The following RELCH variants were observed in gnomAD, a reference collection of about 807,000 sequenced individuals.
The protein encoded by RELCH is RAB11-binding protein RELCH.
Under a neutral mutation model 150.3 loss-of-function variants are expected in RELCH, and 41 were observed. The observed-to-expected ratio is 0.27, with a 90% confidence interval of 0.21 to 0.35. The LOEUF is 0.35. Ranked by LOEUF, RELCH falls within the 10% of genes least tolerant of loss-of-function variation. The pLI, the probability that RELCH is intolerant of heterozygous loss-of-function variation, is 1.00. For synonymous variants in RELCH, 478 were observed against 531.8 expected, an observed-to-expected ratio of 0.90 and a Z score of 1.39; for missense variants, 1,092 against 1,467.8, an observed-to-expected ratio of 0.74 and a Z score of 4.18.
intron 1 of RELCH, among the ~76,000 whole-genome samples, chr18:62,189,854 T>C (rs2038491090): frequency 6.6e-6 from 1 of 152,272 alleles, no homozygotes; most frequent in Non-Finnish European, 1.5e-5. Context: ...TAGAGTCTTA[T>C]GATCAAATAT....
rs1479927344 is a variant in RELCH at position 62,261,582 on chromosome 18, T to C, written c.2274T>C (p.Ser758=). 6.2e-7 allele frequency: 1 copy of C among 1,612,088 alleles called. No homozygotes were observed. Among genetic ancestry groups the C allele is most frequent in the Admixed American group, 1.7e-5 (1 of 59,796 alleles). The part of the protein sequence containing the change: ...YLSALQSLIP[S]LFALVLQNAP... ...CTGCCTTGCAGTCCTTGATCCCATC[T>C]CTCTTTGCATTAGTGCTACAGAATG... The change falls in exon 16 of 29, where the codon TCT becomes TCC. Residue 758 remains serine, a synonymous_variant. Coordinates refer to ENST00000644646, the MANE Select transcript of RELCH (RefSeq NM_001346231.2).
intron 24 of RELCH, 36 bp from the exon 25 acceptor site, chr18:62,282,270 A>G (rs765465428): frequency 5.4e-5 from 86 of 1,587,456 alleles, no homozygotes; most frequent in Non-Finnish European, 1.7e-6. Flanking sequence ...AGTTTTCAAT[A>G]TTCTATGAAA....
intron 11 of RELCH, among the ~76,000 whole-genome samples, chr18:62,248,596 C>G (rs2148517493): frequency 6.6e-6 from 1 of 152,210 alleles, no homozygotes; most frequent in East Asian, 1.9e-4. Context: ...TTGATTTCTC[C>G]TAAACATTCC....
intron 11 of RELCH, among the ~76,000 whole-genome samples, chr18:62,248,988 A>C (rs995299668): frequency 6.6e-6 from 1 of 152,218 alleles, no homozygotes; most frequent in African/African-American, 2.4e-5. Flanking sequence ...AGCATCCTGG[A>C]TGGGTGGATA....
intron 28 of RELCH, chr18:62,300,019 C>G (rs2045594520): frequency 6.6e-6 from 1 of 152,156 alleles, no homozygotes; most frequent in Non-Finnish European, 1.5e-5. Context: ...GAGTCAGGGT[C>G]CAAATGAGTT....
At chr18:62,239,421 C>T (rs760168601) in intron 10 of RELCH, among the ~76,000 whole-genome samples, 1 of 150,910 alleles carries the variant, frequency 6.6e-6, no homozygotes, top group Non-Finnish European at 1.5e-5. Flanking sequence ...AAAGTTTCAA[C>T]TGAAAAGTTA....
intron 28 of RELCH, among the ~76,000 whole-genome samples, chr18:62,303,943 A>G (rs1464511340): frequency 6.6e-6 from 1 of 152,228 alleles, no homozygotes. Flanking sequence ...AGTATTAGCC[A>G]TGGAAGTAAA....
chr18:62,295,481 G>T (rs1311993563), intron 27 of RELCH, among the ~76,000 whole-genome samples: 1 of 149,580 alleles, frequency 6.7e-6, no homozygotes, highest in East Asian at 1.9e-4. Flanking sequence ...CTTTTATTTT[G>T]TTTAGGTTTG....
At chr18:62,192,048 C>T (rs772285067) in intron 1 of RELCH, among the ~76,000 whole-genome samples, 1 of 152,202 alleles carries the variant, frequency 6.6e-6, no homozygotes, top group African/African-American at 2.4e-5. Flanking sequence ...TGCAACCTCT[C>T]CAGCATCTGT....
chr18:62,229,373 A>G (rs750964901), intron 8 of RELCH, among the ~76,000 whole-genome samples: 29 of 152,102 alleles, frequency 1.9e-4, no homozygotes, highest in Non-Finnish European at 2.8e-4. Context: ...ATAGAAAAGC[A>G]CAACTAATTT....
At chr18:62,261,697 TAGC>T (rs774402374) in intron 16 of RELCH, 39 bp downstream of exon 16, 1 of 1,554,974 alleles carries the variant, frequency 6.4e-7, no homozygotes, top group South Asian at 1.2e-5. Flanking sequence ...TGTAGAATAT[TAGC>T]AGCCTAGCTT....
intron 20 of RELCH, among the ~76,000 whole-genome samples, chr18:62,270,636 C>A (rs1444771097): frequency 6.6e-6 from 1 of 151,962 alleles, no homozygotes; most frequent in East Asian, 1.9e-4. Context: ...TTGTACTCTT[C>A]TTTCTTTTTT....
At chr18:62,279,992 C>T (rs939077426) in intron 23 of RELCH, 136 bp downstream of exon 23, 1 of 642,174 alleles carries the variant, frequency 1.6e-6, no homozygotes, top group African/African-American at 1.8e-5. Flanking sequence ...TGATTTTAAA[C>T]TTTATCACAT....
chr18:62,192,463 G>A (rs369889098), intron 1 of RELCH, among the ~76,000 whole-genome samples: 42 of 152,228 alleles, frequency 2.8e-4, no homozygotes, highest in African/African-American at 8.7e-4. Context: ...ATATTTGCCC[G>A]TGCCTATGTC....
intron 21 of RELCH, 116 bp from the exon 22 acceptor site, chr18:62,275,258 A>G (rs1487999293): frequency 7.2e-6 from 4 of 557,708 alleles, no homozygotes; most frequent in Non-Finnish European, 1.2e-5. Context: ...AAGTAATTCC[A>G]TATGTTCTGC....
At chr18:62,273,209 A>G (rs548181981) in intron 20 of RELCH, among the ~76,000 whole-genome samples, 2 of 152,166 alleles carry the variant, frequency 1.3e-5, no homozygotes, top group East Asian at 3.9e-4. Context: ...TTAATTTAAC[A>G]TAAAACATTA....
intron 27 of RELCH, among the ~76,000 whole-genome samples, chr18:62,291,905 T>C (rs998021625): frequency 6.6e-6 from 1 of 152,220 alleles, no homozygotes; most frequent in African/African-American, 2.4e-5. Context: ...TTTTTAACTA[T>C]AAAATATTAG....
rs935881450 is a variant in RELCH, at chr18:62,305,888, G to T, written c.*354G>T. The stretch of plus-strand genomic sequence containing the variant: ...TATTATACACTAAGCTATTACAATG[G>T]TACTTAAAATAATGTAAATTTGAAG... On this transcript the variant is annotated 3_prime_UTR_variant, in exon 29 of 29. Transcript: ENST00000644646. The surrounding 1 kb of genome is among the most constrained non-coding windows in gnomAD (Gnocchi z 4.0). The T allele has an allele frequency of 6.5e-6, 1 of 152,774 alleles. No homozygotes were observed. The highest frequency in any genetic ancestry group is 2.4e-5 in the African/African-American group (1 of 41,348). The allele number at this position is 152,774 out of a possible 1,614,324, so 9.5% of individuals were successfully genotyped here. A position where few individuals can be genotyped will look rare whatever the true frequency, so the allele number is the denominator to read the frequency against.
rs144371521 is a variant in RELCH at position 62,265,599 on chromosome 18, A to G, written c.2631+747A>G. On this transcript the variant is annotated intron_variant, in intron 18 of 28. Transcript: ENST00000644646. ...TAAATTTAATTTAGTGTAGCTCTTT[A>G]CTATTAAATCTATAGTTGAAACATT... Among the ~76,000 whole-genome samples the G allele has an allele frequency of 1.6e-3, 236 of 152,154 alleles. 1 individual carries two copies. The highest frequency in any genetic ancestry group is 5.3e-3 in the African/African-American group (220 of 41,560).
Sources: allele counts gnomAD v4.1 joint callset (sites outside exome capture counted in the v4.1 genomes callset), GRCh38; gene constraint gnomAD v4.1.1; non-coding constraint Gnocchi (gnomAD v3.1); transcripts MANE v1.5; gene names NCBI Gene and HGNC (gene_info 2026-07-23, HGNC 2026-07-21).